Variants in EDNRB observed in about 807,000 individuals in gnomAD.
The protein encoded by EDNRB is endothelin receptor type B, also known as Hirschsprung disease 2.
Under a neutral mutation model 46.4 loss-of-function variants are expected in EDNRB, and 18 were observed. The ratio of observed to expected loss-of-function variants is 0.39; its 90% CI spans 0.27 to 0.57. The LOEUF is 0.57. Among genes scored for constraint, EDNRB ranks in the 20% least tolerant of loss-of-function variants. The pLI is 0.61. For synonymous variants in EDNRB, 213 were observed against 204.9 expected (o/e 1.04, Z -0.34); for missense variants, 434 against 537.5 (o/e 0.81, Z 1.90).
At chr13:77,942,957 C>A (rs112757432) in intron 1 of EDNRB, among the ~76,000 whole-genome samples, 26 of 152,088 alleles carry the variant, frequency 1.7e-4, no homozygotes, top group Non-Finnish European at 3.7e-4. Context: ...CTGCCTAATA[C>A]ATCATAAATT....
chr13:77,896,782 T>A lies in EDNRB; in HGVS notation c.*1418A>T. ...CTCCAACCCCACCTCATTTCCTCTC[T>A]CTTCCGTTTTCTCTTGTACATACTT... On this transcript the variant is annotated 3_prime_UTR_variant, in exon 7 of 7. Transcript: ENST00000646607. 7.7e-7 allele frequency: 1 copy of A among 1,301,780 alleles called. No homozygotes were observed. The highest frequency in any genetic ancestry group is 1.5e-5 in the African/African-American group (1 of 65,856). The allele number at this position is 1,301,780 out of a possible 1,614,324, so 80.6% of individuals were successfully genotyped here. A position where few individuals can be genotyped will look rare whatever the true frequency, so the allele number is the denominator to read the frequency against.
chr13:77,950,817 G>A (rs1478141669), intron 1 of EDNRB, among the ~76,000 whole-genome samples: 1 of 152,122 alleles, frequency 6.6e-6, no homozygotes, highest in Non-Finnish European at 1.5e-5. Flanking sequence ...CTCATCTTAA[G>A]CCCATTCAGT....
chr13:77,945,655 T>C (rs773612944), intron 1 of EDNRB, among the ~76,000 whole-genome samples: 2 of 152,026 alleles, frequency 1.3e-5, no homozygotes, highest in Admixed American at 6.6e-5. Context: ...CTCTGAGGAA[T>C]TGTACTTACG....
upstream of EDNRB, among the ~76,000 whole-genome samples, chr13:77,921,300 G>A (rs183800617): frequency 2.7e-3 from 406 of 152,170 alleles, 4 homozygotes; most frequent in African/African-American, 9.4e-3. Context: ...CAAGAATAAG[G>A]CCAAACAATT....
intron 1 of EDNRB, among the ~76,000 whole-genome samples, chr13:77,959,265 G>A (rs1276549573): frequency 6.6e-6 from 1 of 152,154 alleles, no homozygotes; most frequent in African/African-American, 2.4e-5. Context: ...CCTGACCCCC[G>A]AGTAACCTAA....
rs1476294260 is a variant in EDNRB, at chr13:77,898,266, T to C, written c.1263A>G (p.Leu421=). Residue 421 remains leucine, a synonymous_variant, in exon 7 of 7, where the codon TTA becomes TTG. Coordinates refer to ENST00000646607, the MANE Select transcript of EDNRB (RefSeq NM_001122659.3). ...ATCCGTGATCATTAGCTTTGAACTT[T>C]AAGCACGACTGCTTTTCCTCCAAGG... ...KQSLEEKQSC[L]KFKANDHGYD... The C allele has an allele frequency of 5.6e-6, 9 of 1,612,168 alleles. No homozygotes were observed. Among genetic ancestry groups the C allele is most frequent in the Non-Finnish European group, 7.6e-6 (9 of 1,178,932 alleles).
chr13:77,973,937 C>CTT (rs56943468), intron 1 of EDNRB, among the ~76,000 whole-genome samples: 5 of 143,436 alleles, frequency 3.5e-5, no homozygotes, highest in East Asian at 2.0e-4. Flanking sequence ...CCCTTTTTTC[C>CTT]TTTTTTTTTT....
intron 1 of EDNRB, among the ~76,000 whole-genome samples, chr13:77,914,390 C>A (rs944872931): frequency 2.6e-5 from 4 of 152,112 alleles, no homozygotes; most frequent in African/African-American, 9.7e-5. Flanking sequence ...CTTATATATT[C>A]TTATAAAACT....
intron 1 of EDNRB, among the ~76,000 whole-genome samples, chr13:77,947,249 T>C (rs930431221): frequency 1.3e-5 from 2 of 151,988 alleles, no homozygotes; most frequent in Non-Finnish European, 2.9e-5. Context: ...CATAAAGAGG[T>C]TGGTTTTTAT....
chr13:77,928,585 C>T (rs1566322812), intron 1 of EDNRB, among the ~76,000 whole-genome samples: 1 of 152,166 alleles, frequency 6.6e-6, no homozygotes, highest in Non-Finnish European at 1.5e-5. Flanking sequence ...TTAGCCCTAA[C>T]AACACATTTA....
At chr13:77,923,023 A>G (rs551460585), upstream of EDNRB, among the ~76,000 whole-genome samples, 5 of 152,334 alleles carry the variant, frequency 3.3e-5, no homozygotes, top group Non-Finnish European at 5.9e-5. Context: ...AGAATCTGAC[A>G]TTTGAAACGT....
At chr13:77,936,583 G>A (rs1268139106) in intron 1 of EDNRB, among the ~76,000 whole-genome samples, 1 of 152,238 alleles carries the variant, frequency 6.6e-6, no homozygotes, top group African/African-American at 2.4e-5. Context: ...GGCAGTGTCA[G>A]TCTTCAGCTG....
In EDNRB at chr13:77,918,529, C is replaced by T. The variant is rs1879937631; in HGVS notation, c.45G>A (p.Leu15=). The change falls in exon 1 of 7, where the codon CTG becomes CTA. Residue 15 remains leucine (L), a synonymous_variant. Coordinates refer to ENST00000646607, the MANE Select transcript of EDNRB (RefSeq NM_001122659.3). This position sits in a 1 kb window ranked among gnomAD's most constrained non-coding sequence, Gnocchi z 4.5. ...PSLCGRALVA[L]VLACGLSRIW... is the part of the protein sequence containing the mutation. ...TCCGCGACAGGCCGCAGGCAAGAAC[C>T]AGCGCAACCAGGGCGCGTCCGCACA... 6.3e-7 allele frequency: 1 copy of T among 1,592,152 alleles called. No homozygotes were observed. Among genetic ancestry groups the T allele is most frequent in the African/African-American group, 1.4e-5 (1 of 73,876 alleles).
intron 1 of EDNRB, among the ~76,000 whole-genome samples, chr13:77,928,212 A>C (rs926313669): frequency 2.0e-5 from 3 of 152,224 alleles, no homozygotes; most frequent in Non-Finnish European, 4.4e-5. Flanking sequence ...ATTTGGAGGA[A>C]TAAGACATCA....
At chr13:77,919,365 A>AT, upstream of EDNRB, 7 of 1,592,370 alleles carry the variant, frequency 4.4e-6, no homozygotes, top group Non-Finnish European at 5.2e-6. Context: ...TCAATCAATG[A>AT]TTTTAATTCA....
Position 77,957,294 on chromosome 13 carries a change from C to A in EDNRB, c.-52+18053G>T, listed in dbSNP as rs182338607. 3.3e-5 allele frequency among the ~76,000 whole-genome samples: 5 copies of A among 152,246 alleles called. No homozygotes were observed. The East Asian group carries it at 7.7e-4, about 24-fold the overall frequency. On this transcript the variant is annotated intron_variant, in intron 1 of 7. Coordinates refer to the EDNRB transcript ENST00000646948. ...TGTATTTTGGAAGGGAAAGTTCACA[C>A]CATGGGGTTTTAGGCTTGGAAGGCA... is the stretch of plus-strand genomic sequence containing the variant.
chr13:77,896,721 T>C lies in EDNRB; in HGVS notation c.*1479A>G. 1 of 1,399,970 alleles carries C rather than the reference T, an allele frequency of 7.1e-7. No homozygotes were observed. The highest frequency in any genetic ancestry group is 9.2e-7 in the Non-Finnish European group (1 of 1,082,176). 86.7% of individuals were successfully genotyped at this position (1,399,970 alleles called of 1,614,324 possible). ...TGATGTGACGAGGCAATGACGAACG[T>C]TAGGCTAAGAATGGGAATCTGTCCC... On this transcript the variant is annotated 3_prime_UTR_variant, in exon 7 of 7. Coordinates refer to ENST00000646607, the MANE Select transcript of EDNRB (RefSeq NM_001122659.3).
chr13:77,955,094 A>G (rs1881199303), intron 1 of EDNRB, among the ~76,000 whole-genome samples: 1 of 152,210 alleles, frequency 6.6e-6, no homozygotes, highest in South Asian at 2.1e-4. Flanking sequence ...TACAATGTAC[A>G]GAGGTTCCAA....
Position 77,903,583 on chromosome 13 carries a change from C to T in EDNRB, c.508G>A (p.Gly170Arg), listed in dbSNP as rs1339942721. 6.2e-7 allele frequency: 1 copy of T among 1,612,754 alleles called. No homozygotes were observed. The highest frequency in any genetic ancestry group is 1.1e-5 in the South Asian group (1 of 91,062). Reference protein sequence around the residue: ...YKLLAEDWPFGAEMCKLVPFI... With the variant: ...YKLLAEDWPFRAEMCKLVPFI... The stretch of plus-strand genomic sequence containing the variant: ...GGCACCAGCTTACACATCTCAGCTC[C>T]AAATGGCCAGTCCTCTGCCAGCAGC... Residue 170 changes from glycine to arginine, a missense_variant, in exon 2 of 7, where the codon GGA becomes AGA. Coordinates refer to ENST00000646607, the MANE Select transcript of EDNRB (RefSeq NM_001122659.3).
Sources: allele counts gnomAD v4.1 joint callset (sites outside exome capture counted in the v4.1 genomes callset), GRCh38; gene constraint gnomAD v4.1.1; non-coding constraint Gnocchi (gnomAD v3.1); transcripts MANE v1.5; gene names NCBI Gene and HGNC (gene_info 2026-07-23, HGNC 2026-07-21).